ALOX5: variants seen among roughly 807,000 people sequenced by gnomAD.
ALOX5 encodes the protein arachidonate 5-lipoxygenase.
A neutral mutation model predicts 87.9 loss-of-function variants in ALOX5; 64 were observed. The observed-to-expected ratio is 0.73, with a 90% CI of 0.60 to 0.90. The LOEUF (loss-of-function observed/expected upper bound fraction) is 0.90, where lower values mean the gene tolerates loss of function less well. Among genes scored for constraint, ALOX5 ranks in the 40% least tolerant of loss-of-function variants. The pLI, the probability that ALOX5 is intolerant of heterozygous loss-of-function variation, is 0.00. For missense variants in ALOX5, 822 were observed against 907.5 expected, an observed-to-expected ratio of 0.91 and a Z score of 1.21; for synonymous variants, 388 against 355.1, an observed-to-expected ratio of 1.09 and a Z score of -1.04.
intron 13 of ALOX5, 147 bp downstream of exon 13, chr10:45,444,433 G>A: frequency 8.9e-7 from 1 of 1,129,376 alleles, no homozygotes; most frequent in Non-Finnish European, 1.2e-6. Flanking sequence ...GAAGGCTGCA[G>A]CCGCCACCAG....
intron 4 of ALOX5, among the ~76,000 whole-genome samples, chr10:45,418,473 G>A (rs1841379493): frequency 6.6e-6 from 1 of 152,188 alleles, no homozygotes; most frequent in Non-Finnish European, 1.5e-5. Context: ...TCTTGGTTCA[G>A]GCCCTCTGGG....
chr10:45,402,057 A>AGCCT, intron 3 of ALOX5, among the ~76,000 whole-genome samples: 1 of 135,918 alleles, frequency 7.4e-6, no homozygotes, highest in Non-Finnish European at 1.5e-5. Context: ...ACTGCACTCC[A>AGCCT]GCCTGGGCGA....
At chr10:45,429,079 G>T (rs1203531868) in intron 7 of ALOX5, among the ~76,000 whole-genome samples, 2 of 152,134 alleles carry the variant, frequency 1.3e-5, no homozygotes, top group African/African-American at 4.8e-5. Flanking sequence ...GTGAAGCTGT[G>T]GACTAAGCTG....
intron 6 of ALOX5, chr10:45,428,282 A>T: frequency 2.9e-6 from 1 of 349,450 alleles, no homozygotes; most frequent in African/African-American, 2.1e-5. Context: ...TTGGCATTTA[A>T]CTCGTCACAT....
intron 3 of ALOX5, among the ~76,000 whole-genome samples, chr10:45,409,954 C>A (rs1841015538): frequency 6.6e-6 from 1 of 152,272 alleles, no homozygotes; most frequent in South Asian, 2.1e-4. Context: ...GTGCTGCCAC[C>A]CTCCATAGAC....
rs1405053614 is a variant in ALOX5 at position 45,443,057 on chromosome 10, G to A, written c.1292G>A (p.Gly431Asp). 1 of 1,613,132 alleles carries A rather than the reference G, an allele frequency of 6.2e-7. No individual in the cohort carries two copies. The highest frequency in any genetic ancestry group is 1.7e-5 in the Admixed American group (1 of 59,962). ...CTCCAGGCCAACGCCACAGGGGGCG[G>A]TGGGCACGTGCAGATGGTGCAGAGG... ...LFDKANATGG[G>D]GHVQMVQRAM... is the part of the protein sequence containing the mutation. Residue 431 changes from glycine (G) to aspartate (D), a missense_variant, in exon 10 of 14, where the codon GGT (glycine) becomes GAT (aspartate). By Grantham distance (94) the Gly-to-Asp change is moderately conservative. Coordinates refer to ENST00000374391, the MANE Select transcript of ALOX5 (RefSeq NM_000698.5).
chr10:45,406,078 T>C (rs1321532193), intron 3 of ALOX5, among the ~76,000 whole-genome samples: 1 of 152,176 alleles, frequency 6.6e-6, no homozygotes. Context: ...GTGTCTGGGC[T>C]CAACTCACAC....
chr10:45,425,145 G>A lies in ALOX5; in HGVS notation c.834+13G>A. ...GCAGGAGGTCCAGGTAGGGGTTGAT[G>A]GGCTGGGGAAGTGGCCAAGGTCACA... On this transcript the variant is annotated intron_variant, in intron 6 of 13. Coordinates refer to ENST00000374391, the MANE Select transcript of ALOX5 (RefSeq NM_000698.5). The surrounding 1 kb of genome is among the most constrained non-coding windows in gnomAD (Gnocchi z 4.4). The A allele has an allele frequency of 1.2e-6, 2 of 1,610,264 alleles. No individual in the cohort carries two copies. The highest frequency in any genetic ancestry group is 1.7e-6 in the Non-Finnish European group (2 of 1,177,708).
At chr10:45,401,903 G>C (rs1000789087) in intron 3 of ALOX5, among the ~76,000 whole-genome samples, 1 of 151,992 alleles carries the variant, frequency 6.6e-6, no homozygotes. Flanking sequence ...TGGCTAACAC[G>C]GTGAAACCCC....
chr10:45,426,603 C>T (rs1841714010), intron 6 of ALOX5, among the ~76,000 whole-genome samples: 1 of 152,192 alleles, frequency 6.6e-6, no homozygotes, highest in Admixed American at 6.5e-5. Flanking sequence ...TTCAGTGTTC[C>T]AGCTCAAGTT....
intron 2 of ALOX5, among the ~76,000 whole-genome samples, chr10:45,392,117 C>A (rs1308595626): frequency 6.6e-6 from 1 of 151,456 alleles, no homozygotes; most frequent in Non-Finnish European, 1.5e-5. Context: ...CCAGCTGCCC[C>A]GTCCGGGAGG....
Position 45,444,366 on chromosome 10 carries a change from G to C in ALOX5, c.1845+80G>C, listed in dbSNP as rs999931712. 3.4e-6 allele frequency: 5 copies of C among 1,453,760 alleles called. No homozygotes were observed. In the Admixed American group the frequency reaches 9.8e-5, roughly 29 times the overall value. The allele number at this position is 1,453,760 out of a possible 1,614,324, so 90.1% of individuals were successfully genotyped here. On this transcript the variant is annotated intron_variant, in intron 13 of 13. Transcript: ENST00000374391. ...CTCAGCCTCAGGGCTTTGTGACTCG[G>C]GCCCCAAGGCTCACTTGGAGCAAAG...
At chr10:45,419,901 G>T (rs1055337184) in intron 4 of ALOX5, among the ~76,000 whole-genome samples, 3 of 152,192 alleles carry the variant, frequency 2.0e-5, no homozygotes, top group African/African-American at 7.2e-5. Flanking sequence ...GACCCAGGCT[G>T]GGGATCGGGA....
intron 7 of ALOX5, among the ~76,000 whole-genome samples, chr10:45,431,490 A>G (rs1333276563): frequency 6.6e-6 from 1 of 152,064 alleles, no homozygotes; most frequent in Admixed American, 6.5e-5. Flanking sequence ...AAAAAAATCA[A>G]TAGCCTTTCT....
chr10:45,375,729 C>T (rs1839582441), intron 1 of ALOX5, among the ~76,000 whole-genome samples: 1 of 152,214 alleles, frequency 6.6e-6, no homozygotes, highest in Non-Finnish European at 1.5e-5. Flanking sequence ...CGCTGTAGCA[C>T]GACATGGCCC....
At chr10:45,423,243 G>A (rs1418267906) in intron 4 of ALOX5, among the ~76,000 whole-genome samples, 1 of 152,250 alleles carries the variant, frequency 6.6e-6, no homozygotes, top group Non-Finnish European at 1.5e-5. Context: ...GCTGAAGAGT[G>A]GGCAGTGATT....
chr10:45,427,105 C>G (rs1465906304), intron 6 of ALOX5, among the ~76,000 whole-genome samples: 1 of 152,178 alleles, frequency 6.6e-6, no homozygotes, highest in Non-Finnish European at 1.5e-5. Context: ...GCCCGCCCCT[C>G]GTTTTCCAGA....
rs764851598 is a variant in ALOX5 at position 45,374,448 on chromosome 10, C to A, written c.150+19C>A. 6.6e-7 allele frequency: 1 copy of A among 1,523,544 alleles called. No homozygotes were observed. The highest frequency in any genetic ancestry group is 8.8e-7 in the Non-Finnish European group (1 of 1,139,396). The allele number at this position is 1,523,544 out of a possible 1,614,324, so 94.4% of individuals were successfully genotyped here. On this transcript the variant is annotated intron_variant, in intron 1 of 13. Coordinates refer to ENST00000374391, the MANE Select transcript of ALOX5 (RefSeq NM_000698.5). ...TGGCGCGGTGAGCGCGGGCGGGGCA[C>A]GGGTGGAGCGCGGGCTGAGGTGCGT...
chr10:45,386,887 C>T (rs1840026681), intron 2 of ALOX5, among the ~76,000 whole-genome samples: 1 of 152,152 alleles, frequency 6.6e-6, no homozygotes, highest in African/African-American at 2.4e-5. Flanking sequence ...CCGCCCTTAG[C>T]TACCTGCTAC....
Sources: allele counts gnomAD v4.1 joint callset (sites outside exome capture counted in the v4.1 genomes callset), GRCh38; gene constraint gnomAD v4.1.1; non-coding constraint Gnocchi (gnomAD v3.1); transcripts MANE v1.5; gene names NCBI Gene and HGNC (gene_info 2026-07-23, HGNC 2026-07-21).